Variants in USP24 observed in about 807,000 individuals in gnomAD.
USP24 encodes ubiquitin carboxyl-terminal hydrolase 24.
In USP24, 97 loss-of-function variants were observed where a neutral mutation model predicts 361.6. The observed-to-expected ratio is 0.27, with a 90% CI of 0.23 to 0.32. The LOEUF is 0.32. Among genes scored for constraint, USP24 ranks in the 10% least tolerant of loss-of-function variants. The probability of loss-of-function intolerance (pLI) is 1.00; values close to 1 mark genes in which losing one functional copy is unlikely to be tolerated. For missense variants in USP24, 2,353 were observed against 3,165.6 expected (o/e 0.74, Z 6.16); for synonymous variants, 1,098 against 1,124.6 (o/e 0.98, Z 0.47).
rs550504179 is a variant in USP24 at position 55,194,593 on chromosome 1, C to A, written c.325-16461G>T. Among the ~76,000 whole-genome samples the A allele has an allele frequency of 7.2e-5, 11 of 152,022 alleles. No individual in the cohort carries two copies. In the South Asian group the frequency reaches 1.0e-3, roughly 14 times the overall value. ...CTCCAGGCTGGGCGACAGAGGGAGA[C>A]CCTGTCTCAAAAAAAAAAGAAAAAA... On this transcript the variant is annotated intron_variant, in intron 1 of 67. Coordinates refer to ENST00000294383, the MANE Select transcript of USP24 (RefSeq NM_015306.3).
chr1:55,123,386 T>TG, intron 36 of USP24, 61 bp downstream of exon 36: 2 of 1,443,510 alleles, frequency 1.4e-6, no homozygotes, highest in Non-Finnish European at 1.8e-6. Context: ...TGTAAAGAAT[T>TG]CCCAACAGAA....
chr1:55,096,769 A>G, intron 49 of USP24, 147 bp from the exon 50 acceptor site: 1 of 1,403,372 alleles, frequency 7.1e-7, no homozygotes, highest in Non-Finnish European at 9.6e-7. Flanking sequence ...AATTATTTCA[A>G]TTTCTAAAAC....
chr1:55,191,706 G>A (rs182947543), intron 1 of USP24, among the ~76,000 whole-genome samples: 1 of 152,092 alleles, frequency 6.6e-6, no homozygotes, highest in Admixed American at 6.6e-5. Context: ...TGGCCAGGCT[G>A]GTCTCAAACT....
chr1:55,152,435 C>T (rs1303760024), intron 16 of USP24, among the ~76,000 whole-genome samples: 1 of 152,148 alleles, frequency 6.6e-6, no homozygotes, highest in African/African-American at 2.4e-5. Context: ...TTTCAAACGC[C>T]ACTTCCCTGG....
At chr1:55,138,528 T>C (rs906202198) in intron 26 of USP24, 80 bp downstream of exon 26, 8 of 971,994 alleles carry the variant, frequency 8.2e-6, no homozygotes, top group African/African-American at 4.9e-5. Flanking sequence ...TGATTATTCA[T>C]GCAGCTAACT....
intron 3 of USP24, among the ~76,000 whole-genome samples, chr1:55,174,110 A>T (rs1008227223): frequency 6.6e-6 from 1 of 152,274 alleles, no homozygotes; most frequent in African/African-American, 2.4e-5. Flanking sequence ...AATCCAGGCT[A>T]GCCTGAAGGT....
At chr1:55,184,160 G>A (rs1644059839) in intron 1 of USP24, among the ~76,000 whole-genome samples, 2 of 152,140 alleles carry the variant, frequency 1.3e-5, no homozygotes, top group South Asian at 2.1e-4. Context: ...AGGCTCAAAT[G>A]ATCCTTCCAC....
At chr1:55,181,786 A>G (rs183993920) in intron 1 of USP24, among the ~76,000 whole-genome samples, 88 of 152,236 alleles carry the variant, frequency 5.8e-4, no homozygotes, top group Non-Finnish European at 1.3e-3. Flanking sequence ...AATTGTGTCT[A>G]CTCCCCCAAA....
rs2100974638 is a variant in USP24 at position 55,214,817 on chromosome 1, G to T, written c.297C>A (p.Pro99=). The part of the protein sequence containing the change: ...TGGGGGFDPP[P]AYHEVVDAEK... ...CCGCGTCCACCACCTCGTGGTAGGC[G>T]GGCGGGGGGTCGAAGCCGCCCCCGC... The change falls in exon 1 of 68, where the codon CCC becomes CCA. Residue 99 remains proline, a synonymous_variant. Coordinates refer to ENST00000294383, the MANE Select transcript of USP24 (RefSeq NM_015306.3). The T allele has an allele frequency of 1.6e-6, 2 of 1,223,238 alleles. No homozygotes were observed. Among genetic ancestry groups the T allele is most frequent in the East Asian group, 6.7e-5 (2 of 29,640 alleles). The allele number at this position is 1,223,238 out of a possible 1,614,324, so 75.8% of individuals were successfully genotyped here.
At chr1:55,085,816 T>A in intron 56 of USP24, 126 bp downstream of exon 56, 2 of 873,482 alleles carry the variant, frequency 2.3e-6, no homozygotes, top group Non-Finnish European at 3.5e-6. Context: ...AAAAATCAGT[T>A]CACAGAAGGT....
intron 7 of USP24, among the ~76,000 whole-genome samples, chr1:55,165,544 A>C (rs989618918): frequency 1.3e-5 from 2 of 152,132 alleles, no homozygotes; most frequent in African/African-American, 4.8e-5. Flanking sequence ...TTCTGATTTT[A>C]TATAATCGTT....
At chr1:55,166,395 T>C (rs1213676191) in intron 6 of USP24, among the ~76,000 whole-genome samples, 173 bp downstream of exon 6, 2 of 152,096 alleles carry the variant, frequency 1.3e-5, no homozygotes, top group African/African-American at 4.8e-5. Context: ...AAGCTGATGT[T>C]TACCTGCTAG....
chr1:55,212,458 G>A (rs1299842239), intron 1 of USP24, among the ~76,000 whole-genome samples: 2 of 152,034 alleles, frequency 1.3e-5, no homozygotes, highest in African/African-American at 4.8e-5. Flanking sequence ...AAAAGCCTAC[G>A]TTAACTCTCT....
chr1:55,191,250 C>A (rs1042284272), intron 1 of USP24, among the ~76,000 whole-genome samples: 1 of 152,102 alleles, frequency 6.6e-6, no homozygotes, highest in African/African-American at 2.4e-5. Context: ...AAAGTAAGAA[C>A]AAGTAACATT....
chr1:55,154,638 T>C (rs1400648602), intron 13 of USP24, 33 bp downstream of exon 13: 1 of 1,594,450 alleles, frequency 6.3e-7, no homozygotes, highest in South Asian at 1.1e-5. Context: ...TTTAAGAAAA[T>C]TTAAAAGTAA....
At chr1:55,091,405 T>G (rs543860920) in intron 54 of USP24, among the ~76,000 whole-genome samples, 4 of 152,236 alleles carry the variant, frequency 2.6e-5, no homozygotes, top group African/African-American at 9.6e-5. Context: ...GTGGAAAAAT[T>G]GTCTTCCATG....
At chr1:55,078,721 T>A in intron 60 of USP24, 70 bp from the exon 61 acceptor site, 2 of 1,252,210 alleles carry the variant, frequency 1.6e-6, no homozygotes, top group Non-Finnish European at 1.1e-6. Flanking sequence ...TGTTGCTGCC[T>A]TTAACTGAAA....
chr1:55,169,398 G>T (rs2100793555), intron 5 of USP24, among the ~76,000 whole-genome samples: 1 of 151,978 alleles, frequency 6.6e-6, no homozygotes, highest in South Asian at 2.1e-4. Context: ...TGGGGAAGAG[G>T]GAATATTTTA....
chr1:55,086,135 G>C, intron 55 of USP24, 97 bp from the exon 56 acceptor site: 1 of 1,182,388 alleles, frequency 8.5e-7, no homozygotes, highest in East Asian at 2.4e-5. Flanking sequence ...AGAAACAAAA[G>C]TAGAGTCTCC....
Sources: gnomAD v4.1 joint callset for allele counts (sites outside exome capture counted in the v4.1 genomes callset) on GRCh38, gnomAD v4.1.1 for gene constraint, MANE v1.5 for transcripts, NCBI Gene and HGNC (gene_info 2026-07-23, HGNC 2026-07-21) for gene names.